Variants in SPATA17 observed in about 807,000 individuals in gnomAD.
The protein encoded by SPATA17 is spermatogenesis associated 17.
SPATA17 carries 53 observed loss-of-function variants against 62.2 expected under a neutral mutation model. The observed-to-expected ratio is 0.85, with a 90% confidence interval of 0.68 to 1.07. The LOEUF (loss-of-function observed/expected upper bound fraction) is 1.07. Ranked by LOEUF, SPATA17 falls within the 50% of genes least tolerant of loss-of-function variation. SPATA17 has a pLI of 0.00. For synonymous variants in SPATA17, 146 were observed against 146.8 expected (o/e 0.99, Z 0.04); for missense variants, 466 against 425.5 (o/e 1.10, Z -0.84).
At chr1:217,801,503 C>A (rs1350916880) in intron 8 of SPATA17, among the ~76,000 whole-genome samples, 1 of 152,074 alleles carries the variant, frequency 6.6e-6, no homozygotes, top group East Asian at 1.9e-4. Context: ...CTGTGAAGAA[C>A]ATTTTAGTAT....
chr1:217,749,977 C>CTATATATATATA (rs1418795091), intron 6 of SPATA17, among the ~76,000 whole-genome samples: 40 of 35,636 alleles, frequency 1.1e-3, no homozygotes, highest in African/African-American at 1.9e-3. Flanking sequence ...CTCTCTCTCT[C>CTATATATATATA]TCTCTCTCTA....
chr1:217,735,188 T>C (rs556300257), intron 5 of SPATA17, among the ~76,000 whole-genome samples: 63 of 152,306 alleles, frequency 4.1e-4, no homozygotes, highest in Non-Finnish European at 7.1e-4. Context: ...GGACCGGTCT[T>C]AGTCAGTTTG....
intron 9 of SPATA17, among the ~76,000 whole-genome samples, chr1:217,838,407 C>T (rs753496831): frequency 1.3e-5 from 2 of 152,086 alleles, no homozygotes; most frequent in East Asian, 1.9e-4. Context: ...GCTATGTCTG[C>T]GTTTTCTACA....
At chr1:217,688,953 G>A (rs1346547023) in intron 5 of SPATA17, among the ~76,000 whole-genome samples, 2 of 152,076 alleles carry the variant, frequency 1.3e-5, no homozygotes, top group African/African-American at 2.4e-5. Context: ...AAAGCTTACC[G>A]AATGAAAGAA....
chr1:217,841,545 T>A (rs553547153), intron 9 of SPATA17, among the ~76,000 whole-genome samples: 24 of 152,176 alleles, frequency 1.6e-4, no homozygotes, highest in African/African-American at 5.5e-4. Context: ...TATTGTTCAT[T>A]TCTTCTAGAG....
intron 8 of SPATA17, among the ~76,000 whole-genome samples, chr1:217,787,131 C>G (rs1673891088): frequency 6.6e-6 from 1 of 152,022 alleles, no homozygotes. Flanking sequence ...AAGTTTTTCT[C>G]AAATTCAGCC....
chr1:217,723,064 A>G (rs572708883), intron 5 of SPATA17, among the ~76,000 whole-genome samples: 5 of 152,350 alleles, frequency 3.3e-5, no homozygotes, highest in South Asian at 2.1e-4. Flanking sequence ...CCCAGGACGT[A>G]TTAGCATCAG....
chr1:217,687,180 A>G (rs1180543739), intron 5 of SPATA17, among the ~76,000 whole-genome samples: 1 of 152,144 alleles, frequency 6.6e-6, no homozygotes, highest in Admixed American at 6.5e-5. Flanking sequence ...TAATTAAAAC[A>G]TTTAGTCTAC....
intron 5 of SPATA17, among the ~76,000 whole-genome samples, chr1:217,694,103 C>A (rs1206843443): frequency 5.4e-5 from 1 of 18,382 alleles, no homozygotes; most frequent in Non-Finnish European, 1.1e-4. Context: ...GTTAAAGTCT[C>A]CCATTATTAA....
chr1:217,643,380 T>C (rs922030212), intron 1 of SPATA17, among the ~76,000 whole-genome samples: 8 of 152,164 alleles, frequency 5.3e-5, no homozygotes, highest in Non-Finnish European at 8.8e-5. Context: ...TCTTGGGCTC[T>C]GATTCTCTAT....
chr1:217,658,447 C>T (rs1670488614), intron 3 of SPATA17, among the ~76,000 whole-genome samples: 1 of 152,118 alleles, frequency 6.6e-6, no homozygotes, highest in Admixed American at 6.5e-5. Flanking sequence ...GCCAAATTGA[C>T]CTCTTTTCTT....
intron 9 of SPATA17, among the ~76,000 whole-genome samples, chr1:217,811,266 C>G (rs1015860598): frequency 6.6e-6 from 1 of 151,896 alleles, no homozygotes; most frequent in African/African-American, 2.4e-5. Context: ...ACTCCTGGCT[C>G]GAACTCAAGC....
intron 1 of SPATA17, among the ~76,000 whole-genome samples, chr1:217,634,760 C>A (rs543479197): frequency 6.6e-6 from 1 of 152,196 alleles, no homozygotes; most frequent in South Asian, 2.1e-4. Context: ...AAAGTTAGTT[C>A]AGCCTATGTC....
rs534191729 is a variant in SPATA17 at position 217,869,287 on chromosome 1, G to T, written c.*2268G>T. On this transcript the variant is annotated 3_prime_UTR_variant, in exon 11 of 11. Coordinates refer to ENST00000366933, the MANE Select transcript of SPATA17 (RefSeq NM_138796.4). ...CTTTCCAATTGGCAATTGGTTCAAA[G>T]AATTTATCTAAAGACCTGGAATCCA... 2.6e-5 allele frequency: 4 copies of T among 152,130 alleles called. No individual in the cohort carries two copies. The East Asian group carries it at 5.8e-4, about 22-fold the overall frequency. 9.4% of individuals were successfully genotyped at this position (152,130 alleles called of 1,614,324 possible). A position where few individuals can be genotyped will look rare whatever the true frequency, so the allele number is the denominator to read the frequency against.
At chr1:217,731,446 C>T (rs935671466) in intron 5 of SPATA17, among the ~76,000 whole-genome samples, 1 of 152,182 alleles carries the variant, frequency 6.6e-6, no homozygotes, top group African/African-American at 2.4e-5. Flanking sequence ...AACCATTCTT[C>T]ATGTAGGCAC....
chr1:217,747,389 G>C (rs1042826881), intron 6 of SPATA17, among the ~76,000 whole-genome samples: 2 of 152,002 alleles, frequency 1.3e-5, no homozygotes, highest in African/African-American at 4.8e-5. Context: ...ATATGCAAAG[G>C]CCTATTGTTG....
intron 9 of SPATA17, among the ~76,000 whole-genome samples, chr1:217,803,935 T>C (rs1674372750): frequency 6.6e-6 from 1 of 151,466 alleles, no homozygotes; most frequent in Non-Finnish European, 1.5e-5. Context: ...GGAGGATCAC[T>C]CAAACCTTGG....
At chr1:217,781,607 A>G (rs997261393) in intron 7 of SPATA17, among the ~76,000 whole-genome samples, 4 of 152,210 alleles carry the variant, frequency 2.6e-5, no homozygotes, top group Non-Finnish European at 5.9e-5. Flanking sequence ...GTAATTGAAC[A>G]ATAGAGTTTA....
At chr1:217,703,506 C>T (rs1351838639) in intron 5 of SPATA17, among the ~76,000 whole-genome samples, 1 of 152,116 alleles carries the variant, frequency 6.6e-6, no homozygotes, top group Non-Finnish European at 1.5e-5. Flanking sequence ...TTGTCACTGA[C>T]GTACAAAGTG....
Sources: allele counts gnomAD v4.1 joint callset (sites outside exome capture counted in the v4.1 genomes callset), GRCh38; gene constraint gnomAD v4.1.1; transcripts MANE v1.5; gene names NCBI Gene and HGNC (gene_info 2026-07-23, HGNC 2026-07-21).